Variants in PPP1CB observed in about 807,000 individuals in gnomAD.
PPP1CB encodes the protein protein phosphatase 1 catalytic subunit beta.
A neutral mutation model predicts 43.7 loss-of-function variants in PPP1CB; 2 were observed. The ratio of observed to expected loss-of-function variants is 0.05; its 90% confidence interval spans 0.02 to 0.14. The LOEUF is 0.14. Among genes scored for constraint, PPP1CB ranks in the 10% least tolerant of loss-of-function variants. PPP1CB has a pLI of 1.00. For missense variants in PPP1CB, 84 were observed against 398.0 expected, an observed-to-expected ratio of 0.21 and a Z score of 6.71; for synonymous variants, 136 against 135.6, an observed-to-expected ratio of 1.00 and a Z score of -0.02.
intron 2 of PPP1CB, 101 bp downstream of exon 2, chr2:28,777,083 CAG>C: frequency 8.0e-7 from 1 of 1,248,758 alleles, no homozygotes; most frequent in East Asian, 2.4e-5. Context: ...TTGTATAAAA[CAG>C]ATCAGTAGGC....
At position 28,752,122 on chromosome 2, in the gene PPP1CB, A is replaced by G; in HGVS notation, c.-3A>G. On this transcript the variant is annotated 5_prime_UTR_variant, in exon 1 of 8. Transcript: ENST00000395366. ...GCTGGGAAGGAGAGTCTGTGCCGAC[A>G]AGATGGCGGACGGGGAGCTGAACGT... The G allele has an allele frequency of 6.5e-7, 1 of 1,549,830 alleles. No individual in the cohort carries two copies. Among genetic ancestry groups the G allele is most frequent in the Non-Finnish European group, 8.7e-7 (1 of 1,146,158 alleles).
intron 5 of PPP1CB, among the ~76,000 whole-genome samples, chr2:28,786,534 T>C (rs1667268725): frequency 6.6e-6 from 1 of 152,086 alleles, no homozygotes; most frequent in Non-Finnish European, 1.5e-5. Flanking sequence ...TCTATTCTAA[T>C]TTTATACAGT....
chr2:28,797,282 G>A (rs1052700773), intron 7 of PPP1CB, among the ~76,000 whole-genome samples: 3 of 151,974 alleles, frequency 2.0e-5, no homozygotes, highest in Admixed American at 6.6e-5. Flanking sequence ...TGCTCACTTC[G>A]TAGACTGAGT....
intron 5 of PPP1CB, 90 bp downstream of exon 5, chr2:28,784,068 TAATA>T (rs1667211087): frequency 4.1e-6 from 4 of 983,912 alleles, no homozygotes; most frequent in Non-Finnish European, 6.2e-6. Flanking sequence ...TTGGCTTATG[TAATA>T]AATAAAAGAG....
At chr2:28,791,989 G>A (rs1261286134) in intron 6 of PPP1CB, among the ~76,000 whole-genome samples, 1 of 152,070 alleles carries the variant, frequency 6.6e-6, no homozygotes, top group Non-Finnish European at 1.5e-5. Context: ...TAAAAACATG[G>A]AGTCCATGAC....
chr2:28,788,104 G>C (rs917352852), intron 5 of PPP1CB, among the ~76,000 whole-genome samples: 1 of 151,734 alleles, frequency 6.6e-6, no homozygotes, highest in African/African-American at 2.4e-5. Flanking sequence ...TTAGGCAATT[G>C]TTTTTAATGT....
chr2:28,789,746 G>A (rs374710050), intron 6 of PPP1CB, among the ~76,000 whole-genome samples: 5 of 149,632 alleles, frequency 3.3e-5, no homozygotes, highest in Admixed American at 1.3e-4. Flanking sequence ...TTACAGGCAC[G>A]CACCACCACG....
At chr2:28,755,283 AC>A in intron 1 of PPP1CB, among the ~76,000 whole-genome samples, 1 of 151,868 alleles carries the variant, frequency 6.6e-6, no homozygotes, top group South Asian at 2.1e-4. Context: ...CAAGTGATCC[AC>A]CCGCCTCGGC....
intron 1 of PPP1CB, among the ~76,000 whole-genome samples, chr2:28,775,452 G>T (rs1198749598): frequency 6.6e-6 from 1 of 152,056 alleles, no homozygotes; most frequent in Non-Finnish European, 1.5e-5. Flanking sequence ...CTGTCACCAA[G>T]ACTGAAATGC....
chr2:28,781,952 C>G (rs985926700), intron 4 of PPP1CB, 110 bp downstream of exon 4: 1 of 770,886 alleles, frequency 1.3e-6, no homozygotes, highest in East Asian at 2.6e-5. Flanking sequence ...TATGAAAACT[C>G]AAGTGATTAA....
intron 2 of PPP1CB, chr2:28,778,414 G>A (rs894024601): frequency 2.1e-6 from 1 of 472,832 alleles, no homozygotes; most frequent in Non-Finnish European, 4.4e-6. Context: ...CAATTAAGGC[G>A]TGATCTCGGG....
intron 5 of PPP1CB, among the ~76,000 whole-genome samples, chr2:28,788,119 G>A (rs1440681364): frequency 6.6e-6 from 1 of 151,796 alleles, no homozygotes; most frequent in African/African-American, 2.4e-5. Flanking sequence ...TAATGTTTAT[G>A]TGGAAGAACA....
chr2:28,798,352 A>G (rs552947893), intron 7 of PPP1CB, among the ~76,000 whole-genome samples: 5 of 152,138 alleles, frequency 3.3e-5, no homozygotes, highest in Non-Finnish European at 7.4e-5. Flanking sequence ...ACCTCTAGGT[A>G]TATACCCAAG....
chr2:28,784,120 T>C, intron 5 of PPP1CB, 142 bp downstream of exon 5: 2 of 564,344 alleles, frequency 3.5e-6, no homozygotes. Context: ...CAGATTACTT[T>C]ATTTGCAGTA....
At chr2:28,784,447 G>A (rs1461745625) in intron 5 of PPP1CB, among the ~76,000 whole-genome samples, 1 of 152,040 alleles carries the variant, frequency 6.6e-6, no homozygotes, top group African/African-American at 2.4e-5. Flanking sequence ...TCAAGGGGGT[G>A]TGGGAGGGAT....
At chr2:28,758,550 A>G (rs534065465) in intron 1 of PPP1CB, among the ~76,000 whole-genome samples, 26 of 152,344 alleles carry the variant, frequency 1.7e-4, no homozygotes, top group Non-Finnish European at 2.9e-4. Flanking sequence ...TGCTTCTAGC[A>G]GCTTTAAATA....
chr2:28,757,375 A>C (rs1424765166), intron 1 of PPP1CB, among the ~76,000 whole-genome samples: 1 of 152,092 alleles, frequency 6.6e-6, no homozygotes, highest in Non-Finnish European at 1.5e-5. Flanking sequence ...ATATACTTTC[A>C]ATTCCGTTGG....
chr2:28,783,834 CT>C, intron 4 of PPP1CB, 72 bp from the exon 5 acceptor site: 1 of 996,748 alleles, frequency 1.0e-6, no homozygotes. Flanking sequence ...TGATTAAATG[CT>C]TTTTATTCGG....
intron 5 of PPP1CB, 49 bp downstream of exon 5, chr2:28,784,027 T>A: frequency 1.5e-6 from 2 of 1,376,454 alleles, no homozygotes; most frequent in Non-Finnish European, 2.1e-6. Context: ...GTTTTCATAT[T>A]TGAACTTGAT....
Sources: allele counts gnomAD v4.1 joint callset (sites outside exome capture counted in the v4.1 genomes callset), GRCh38; gene constraint gnomAD v4.1.1; transcripts MANE v1.5; gene names NCBI Gene and HGNC (gene_info 2026-07-23, HGNC 2026-07-21).